MMP16: variants seen among roughly 807,000 people sequenced by gnomAD.
MMP16 encodes matrix metalloproteinase-16.
Under a neutral mutation model 67.8 loss-of-function variants are expected in MMP16, and 12 were observed. That is an observed-to-expected ratio of 0.18 (90% CI 0.11 to 0.29). The LOEUF (loss-of-function observed/expected upper bound fraction) is 0.29. Ranked by LOEUF, MMP16 falls within the 10% of genes least tolerant of loss-of-function variation. MMP16 has a pLI of 1.00. For missense variants in MMP16, 475 were observed against 765.7 expected, an observed-to-expected ratio of 0.62 and a Z score of 4.48; for synonymous variants, 249 against 255.9, an observed-to-expected ratio of 0.97 and a Z score of 0.26.
intron 6 of MMP16, among the ~76,000 whole-genome samples, chr8:88,076,469 T>G (rs1319045890): frequency 6.6e-6 from 1 of 152,212 alleles, no homozygotes; most frequent in African/African-American, 2.4e-5. Context: ...CGTATCTCAT[T>G]CCAACCAATT....
At chr8:88,223,996 TG>T (rs1282028135) in intron 1 of MMP16, among the ~76,000 whole-genome samples, 3 of 151,854 alleles carry the variant, frequency 2.0e-5, no homozygotes, top group African/African-American at 2.4e-5. Context: ...GCACAGATTA[TG>T]GAAGGAAAAG....
At chr8:88,280,779 G>C (rs894476887) in intron 1 of MMP16, among the ~76,000 whole-genome samples, 4 of 152,050 alleles carry the variant, frequency 2.6e-5, no homozygotes, top group African/African-American at 9.7e-5. Flanking sequence ...TAGCTACTCA[G>C]GAGGCTGAGA....
At chr8:88,111,962 T>A (rs1257204141) in intron 6 of MMP16, among the ~76,000 whole-genome samples, 3 of 151,780 alleles carry the variant, frequency 2.0e-5, no homozygotes, top group African/African-American at 7.2e-5. Context: ...ACAAATGATA[T>A]CTGCTTTGGC....
At chr8:88,180,048 G>A (rs550431900) in intron 3 of MMP16, among the ~76,000 whole-genome samples, 4 of 152,256 alleles carry the variant, frequency 2.6e-5, no homozygotes, top group East Asian at 1.9e-4. Context: ...TTGGGAGGCC[G>A]AGGCAGGCGG....
intron 7 of MMP16, among the ~76,000 whole-genome samples, chr8:88,073,528 C>T (rs919245908): frequency 6.6e-6 from 1 of 152,096 alleles, no homozygotes; most frequent in African/African-American, 2.4e-5. Context: ...GGCAACATGG[C>T]CATAAAATTA....
intron 1 of MMP16, among the ~76,000 whole-genome samples, chr8:88,227,953 C>A (rs1332031772): frequency 1.3e-5 from 2 of 152,006 alleles, no homozygotes; most frequent in African/African-American, 2.4e-5. Flanking sequence ...TGGAAAGCTG[C>A]AGAACCACAA....
rs1416583812 is a variant in MMP16 at position 88,037,810 on chromosome 8, G to A, written c.*3651C>T. ...TAACTATATGGTCATTTTACATGAA[G>A]ACCATTACCTTGTTTACATTTGTGT... On this transcript the variant is annotated 3_prime_UTR_variant, in exon 10 of 10. Transcript: ENST00000286614. 2 of 151,946 alleles carry A rather than the reference G, an allele frequency of 1.3e-5. No homozygotes were observed. Among genetic ancestry groups the A allele is most frequent in the African/African-American group, 4.8e-5 (2 of 41,416 alleles). The allele number at this position is 151,946 out of a possible 1,614,324, so 9.4% of individuals were successfully genotyped here. A position where few individuals can be genotyped will look rare whatever the true frequency, so the allele number is the denominator to read the frequency against.
At chr8:88,049,446 G>A (rs760162887) in intron 8 of MMP16, among the ~76,000 whole-genome samples, 1 of 152,094 alleles carries the variant, frequency 6.6e-6, no homozygotes, top group Non-Finnish European at 1.5e-5. Flanking sequence ...TCTCAGTGGG[G>A]TTTACAATAG....
chr8:88,299,679 T>A (rs187404006), intron 1 of MMP16, among the ~76,000 whole-genome samples: 1 of 152,206 alleles, frequency 6.6e-6, no homozygotes, highest in Non-Finnish European at 1.5e-5. Context: ...CTGTCTATAA[T>A]GTATACTGCA....
At chr8:88,243,028 C>A (rs1027538932) in intron 1 of MMP16, among the ~76,000 whole-genome samples, 1 of 152,120 alleles carries the variant, frequency 6.6e-6, no homozygotes, top group Non-Finnish European at 1.5e-5. Flanking sequence ...GCCCTATAAT[C>A]TCAGAAACCA....
At chr8:88,284,616 G>A (rs966755601) in intron 1 of MMP16, among the ~76,000 whole-genome samples, 5 of 152,066 alleles carry the variant, frequency 3.3e-5, no homozygotes, top group Non-Finnish European at 5.9e-5. Context: ...GTGCTGGGAA[G>A]CACCTCTCAG....
At chr8:88,212,415 C>T (rs911158677) in intron 1 of MMP16, among the ~76,000 whole-genome samples, 7 of 152,042 alleles carry the variant, frequency 4.6e-5, no homozygotes, top group African/African-American at 1.7e-4. Context: ...GGGAATAGCA[C>T]AAAACAGCTC....
At chr8:88,105,156 T>TTTTTTTTTA (rs1809216055) in intron 6 of MMP16, among the ~76,000 whole-genome samples, 1 of 150,780 alleles carries the variant, frequency 6.6e-6, no homozygotes. Flanking sequence ...CTCATCTTTT[T>TTTTTTTTTA]TTTTTTTTTA....
intron 3 of MMP16, among the ~76,000 whole-genome samples, chr8:88,169,181 C>T (rs911152814): frequency 6.6e-6 from 1 of 151,966 alleles, no homozygotes; most frequent in African/African-American, 2.4e-5. Flanking sequence ...AATTATTTTG[C>T]CCTTTTAAGA....
intron 1 of MMP16, among the ~76,000 whole-genome samples, chr8:88,311,271 G>A: frequency 6.6e-6 from 1 of 151,976 alleles, no homozygotes; most frequent in East Asian, 1.9e-4. Flanking sequence ...GAGGTAAAAG[G>A]GGAACAGCAT....
intron 2 of MMP16, among the ~76,000 whole-genome samples, chr8:88,189,191 G>A (rs990094162): frequency 3.3e-5 from 5 of 152,078 alleles, no homozygotes; most frequent in African/African-American, 1.2e-4. Context: ...AAGAAAAAAA[G>A]AGCCCCTTCC....
intron 4 of MMP16, among the ~76,000 whole-genome samples, chr8:88,125,161 C>G (rs909799221): frequency 6.8e-6 from 1 of 148,096 alleles, no homozygotes; most frequent in African/African-American, 2.5e-5. Context: ...TTGCTTCTTA[C>G]TTTTAATTAA....
At chr8:88,136,415 G>A (rs1265369682) in intron 4 of MMP16, among the ~76,000 whole-genome samples, 1 of 151,738 alleles carries the variant, frequency 6.6e-6, no homozygotes, top group East Asian at 1.9e-4. Flanking sequence ...CTATAAAACT[G>A]CACAAATCTT....
intron 7 of MMP16, 27 bp downstream of exon 7, chr8:88,074,578 A>G: frequency 6.2e-7 from 1 of 1,609,598 alleles, no homozygotes; most frequent in Non-Finnish European, 8.5e-7. Context: ...AAAATACAAC[A>G]TAGCCAGATA....
Sources: allele counts gnomAD v4.1 joint callset (sites outside exome capture counted in the v4.1 genomes callset), GRCh38; gene constraint gnomAD v4.1.1; transcripts MANE v1.5; gene names NCBI Gene and HGNC (gene_info 2026-07-23, HGNC 2026-07-21).